Variants in PKNOX1 observed in about 807,000 individuals in gnomAD.
The protein encoded by PKNOX1 is homeobox protein PKNOX1.
Under a neutral mutation model 51.9 loss-of-function variants are expected in PKNOX1, and 15 were observed. That is an observed-to-expected ratio of 0.29 (90% CI 0.19 to 0.45). The LOEUF (loss-of-function observed/expected upper bound fraction) is 0.45. Among genes scored for constraint, PKNOX1 ranks in the 20% least tolerant of loss-of-function variants. PKNOX1 has a pLI of 1.00. For missense variants in PKNOX1, 462 were observed against 547.5 expected (o/e 0.84, Z 1.56); for synonymous variants, 219 against 211.1 (o/e 1.04, Z -0.32).
rs60175567 is a variant in PKNOX1 at position 43,018,047 on chromosome 21, C to CAAAAAAAAAA, written c.623-72_623-63dup. On this transcript the variant is annotated intron_variant, in intron 6 of 10. Transcript: ENST00000291547. ...CAACAAAGCAATGTCCCTGTCTCTA[C>CAAAAAAAAAA]AAAAAAAAAAAAAAAAAAAAAAAGA... The CAAAAAAAAAA allele has an allele frequency of 7.1e-4, 198 of 279,680 alleles. 1 individual carries two copies. The highest frequency in any genetic ancestry group is 1.6e-3 in the East Asian group (22 of 13,534). 17.3% of individuals were successfully genotyped at this position (279,680 alleles called of 1,614,324 possible). A position where few individuals can be genotyped will look rare whatever the true frequency, so the allele number is the denominator to read the frequency against.
intron 1 of PKNOX1, among the ~76,000 whole-genome samples, chr21:42,986,954 T>G (rs947820170): frequency 6.6e-6 from 1 of 152,202 alleles, no homozygotes; most frequent in African/African-American, 2.4e-5. Flanking sequence ...GGTCCTCTGC[T>G]AGGCGCGGCA....
rs575083946 is a variant in PKNOX1 at position 42,981,285 on chromosome 21, C to T, written c.-57+6621C>T. Among the ~76,000 whole-genome samples, 29 of 152,370 alleles carry T rather than the reference C, an allele frequency of 1.9e-4. No individual in the cohort carries two copies. In the South Asian group the frequency reaches 4.3e-3, roughly 23 times the overall value. On this transcript the variant is annotated intron_variant, in intron 1 of 10. Transcript: ENST00000291547. ...AAAGAGCCAGCAGGCCTGGTGCTGGCGGTGCCCTGCTCGTGACAGTGTGCA... is the reference window on the plus strand; with the variant it reads ...AAAGAGCCAGCAGGCCTGGTGCTGGTGGTGCCCTGCTCGTGACAGTGTGCA...
intron 7 of PKNOX1, among the ~76,000 whole-genome samples, chr21:43,020,806 G>A (rs1979716994): frequency 6.6e-6 from 1 of 152,236 alleles, no homozygotes; most frequent in Non-Finnish European, 1.5e-5. Context: ...CAGGTGGTGG[G>A]TGAGAGGACC....
At chr21:43,028,991 G>A (rs751013011) in intron 10 of PKNOX1, 117 bp downstream of exon 10, 38 of 969,164 alleles carry the variant, frequency 3.9e-5, no homozygotes, top group East Asian at 1.3e-4. Flanking sequence ...ACGAGAGTGC[G>A]TGGTTCTCTT....
intron 4 of PKNOX1, among the ~76,000 whole-genome samples, chr21:43,011,852 T>C (rs1979269973): frequency 2.0e-5 from 3 of 152,208 alleles, no homozygotes; most frequent in Admixed American, 1.3e-4. Context: ...CTCTCTGAGA[T>C]GAGACTAACA....
At chr21:42,995,985 A>G (rs1192116139) in intron 1 of PKNOX1, among the ~76,000 whole-genome samples, 1 of 152,156 alleles carries the variant, frequency 6.6e-6, no homozygotes, top group African/African-American at 2.4e-5. Flanking sequence ...GAGGCAAGGC[A>G]GGACGATAGC....
intron 3 of PKNOX1, among the ~76,000 whole-genome samples, chr21:43,008,693 C>T (rs919251027): frequency 2.6e-5 from 4 of 151,992 alleles, no homozygotes; most frequent in Non-Finnish European, 4.4e-5. Flanking sequence ...GTGGGAGAAT[C>T]ACTTGAACCC....
Position 43,032,100 on chromosome 21 carries a change from T to A in PKNOX1, c.*1999T>A. 1 of 450,662 alleles carries A rather than the reference T, an allele frequency of 2.2e-6. No individual in the cohort carries two copies. The highest frequency in any genetic ancestry group is 1.6e-5 in the South Asian group (1 of 64,344). 27.9% of individuals were successfully genotyped at this position (450,662 alleles called of 1,614,324 possible). ...GTCTCGAACTCCCGACCTCAGGTGA[T>A]CTGCCTGCCTCAGCCTCCCAAAGTG... On this transcript the variant is annotated 3_prime_UTR_variant, in exon 11 of 11. Coordinates refer to ENST00000291547, the MANE Select transcript of PKNOX1 (RefSeq NM_004571.5).
chr21:42,978,231 C>T (rs1039124181), intron 1 of PKNOX1, among the ~76,000 whole-genome samples: 3 of 152,166 alleles, frequency 2.0e-5, no homozygotes, highest in Non-Finnish European at 4.4e-5. Flanking sequence ...TCTCGAACTC[C>T]TGACCTCAAG....
rs905985328 is a variant in PKNOX1, at chr21:43,030,829, G to C, written c.*728G>C. The C allele has an allele frequency of 6.6e-6, 1 of 152,158 alleles. No homozygotes were observed. The highest frequency in any genetic ancestry group is 2.4e-5 in the African/African-American group (1 of 41,426). The allele number at this position is 152,158 out of a possible 1,614,324, so 9.4% of individuals were successfully genotyped here. Reference sequence around the variant, plus strand: ...ATGTTCTGAATTGACCAAATTTAATGAACCTGCCCAAAGTTAGCTACCGTT... The same window carrying C: ...ATGTTCTGAATTGACCAAATTTAATCAACCTGCCCAAAGTTAGCTACCGTT... On this transcript the variant is annotated 3_prime_UTR_variant, in exon 11 of 11. Transcript: ENST00000291547.
chr21:43,000,348 C>T (rs1477111084), intron 1 of PKNOX1, among the ~76,000 whole-genome samples: 1 of 152,192 alleles, frequency 6.6e-6, no homozygotes, highest in Non-Finnish European at 1.5e-5. Context: ...AATGGAGTTA[C>T]AGTTCCACAT....
At chr21:43,024,580 A>T in intron 8 of PKNOX1, 8 of 341,452 alleles carry the variant, frequency 2.3e-5, no homozygotes, top group South Asian at 1.7e-4. Context: ...TCACCGCTGG[A>T]CTGCATAGCT....
chr21:43,030,246 A>T lies in PKNOX1; in HGVS notation c.*145A>T. 1 of 630,374 alleles carries T rather than the reference A, an allele frequency of 1.6e-6. No individual in the cohort carries two copies. Among genetic ancestry groups the T allele is most frequent in the Non-Finnish European group, 2.7e-6 (1 of 370,912 alleles). 39.0% of individuals were successfully genotyped at this position (630,374 alleles called of 1,614,324 possible). On this transcript the variant is annotated 3_prime_UTR_variant, in exon 11 of 11. Coordinates refer to ENST00000291547, the MANE Select transcript of PKNOX1 (RefSeq NM_004571.5). The stretch of plus-strand genomic sequence containing the variant: ...GCTTAAAGCGCGTCTTTGCCGGTGC[A>T]GCGACTTCTTTCAAGTGTGTGTGTG...
intron 2 of PKNOX1, among the ~76,000 whole-genome samples, chr21:43,007,199 G>A (rs1255414295): frequency 6.6e-6 from 1 of 152,338 alleles, no homozygotes; most frequent in East Asian, 1.9e-4. Context: ...AATAGACGGA[G>A]GAGTAGATTG....
At chr21:43,018,346 T>C in intron 7 of PKNOX1, 116 bp downstream of exon 7, 4 of 637,656 alleles carry the variant, frequency 6.3e-6, no homozygotes, top group East Asian at 5.5e-5. Flanking sequence ...GTGTAGCAAT[T>C]TCTGGTTTCT....
Position 43,021,340 on chromosome 21 carries a change from A to C in PKNOX1, c.758A>C (p.His253Pro). Residue 253 changes from histidine to proline, a missense_variant, in exon 8 of 11, where the codon CAT becomes CCT. Coordinates refer to ENST00000291547, the MANE Select transcript of PKNOX1 (RefSeq NM_004571.5). This position sits in a 1 kb window ranked among gnomAD's most constrained non-coding sequence, Gnocchi z 4.6. ...TTAAACCAAGATCTCAGCATCTTGC[A>C]TCAAGATGATGGTTCATCTAAGAAC... Reference protein sequence around the residue: ...LQLNQDLSILHQDDGSSKNKR... With the variant: ...LQLNQDLSILPQDDGSSKNKR... The C allele has an allele frequency of 6.2e-7, 1 of 1,609,394 alleles. No homozygotes were observed. Among genetic ancestry groups the C allele is most frequent in the South Asian group, 1.1e-5 (1 of 90,878 alleles).
At chr21:43,010,569 A>T (rs1343952329) in intron 4 of PKNOX1, among the ~76,000 whole-genome samples, 1 of 152,112 alleles carries the variant, frequency 6.6e-6, no homozygotes, top group Non-Finnish European at 1.5e-5. Flanking sequence ...AAAATAAAAT[A>T]GGCCAGGCGT....
intron 3 of PKNOX1, among the ~76,000 whole-genome samples, chr21:43,009,610 CAAAA>C (rs1202062070): frequency 2.6e-5 from 2 of 76,168 alleles, no homozygotes; most frequent in Non-Finnish European, 2.3e-5. Flanking sequence ...GACTCCATCT[CAAAA>C]AAAAAAAAAA....
chr21:43,002,608 C>G (rs188227076), intron 1 of PKNOX1, among the ~76,000 whole-genome samples: 10 of 152,342 alleles, frequency 6.6e-5, no homozygotes, highest in African/African-American at 2.2e-4. Context: ...GTGCCTCCCA[C>G]GGATTTTGTG....
Sources: allele counts gnomAD v4.1 joint callset (sites outside exome capture counted in the v4.1 genomes callset), GRCh38; gene constraint gnomAD v4.1.1; non-coding constraint Gnocchi (gnomAD v3.1); transcripts MANE v1.5; gene names NCBI Gene and HGNC (gene_info 2026-07-23, HGNC 2026-07-21).